The following CACNA1A variants were observed in gnomAD, a reference collection of about 807,000 sequenced individuals.
The protein encoded by CACNA1A is calcium voltage-gated channel subunit alpha1 A.
In CACNA1A, 57 loss-of-function variants were observed where a neutral mutation model predicts 262.4. The observed-to-expected ratio is 0.22, with a 90% CI of 0.18 to 0.27. The LOEUF (loss-of-function observed/expected upper bound fraction) is 0.27, where lower values mean the gene tolerates loss of function less well. Among genes scored for constraint, CACNA1A ranks in the 10% least tolerant of loss-of-function variants. CACNA1A has a pLI of 1.00. For missense variants in CACNA1A, 2,526 were observed against 3,562.8 expected, an observed-to-expected ratio of 0.71 and a Z score of 7.41; for synonymous variants, 1,431 against 1,419.3, an observed-to-expected ratio of 1.01 and a Z score of -0.18.
At chr19:13,341,413 G>A (rs2058673578) in intron 6 of CACNA1A, among the ~76,000 whole-genome samples, 2 of 152,220 alleles carry the variant, frequency 1.3e-5, no homozygotes, top group African/African-American at 2.4e-5. Flanking sequence ...TACTCTATTT[G>A]TGGTTCTTTG....
At chr19:13,425,378 G>A (rs1160804310) in intron 3 of CACNA1A, among the ~76,000 whole-genome samples, 1 of 152,086 alleles carries the variant, frequency 6.6e-6, no homozygotes, top group East Asian at 1.9e-4. Flanking sequence ...TAGGGAGCAG[G>A]GGTGGGGCAA....
chr19:13,423,608 G>T (rs2060352555), intron 3 of CACNA1A, among the ~76,000 whole-genome samples: 1 of 151,964 alleles, frequency 6.6e-6, no homozygotes, highest in Non-Finnish European at 1.5e-5. Context: ...ACCTCCCCAG[G>T]CTCAAGCAAT....
intron 20 of CACNA1A, among the ~76,000 whole-genome samples, chr19:13,285,952 ATT>A (rs74181819): frequency 0.11 from 10,818 of 95,128 alleles, 288 homozygotes; most frequent in East Asian, 0.22. Flanking sequence ...GCAGTTCACC[ATT>A]TTTTTTTTTT....
chr19:13,318,906 T>TTTTTTTTTTTTTTTTTTTTTTA (rs2058188178), intron 10 of CACNA1A, among the ~76,000 whole-genome samples: 1 of 149,494 alleles, frequency 6.7e-6, no homozygotes, highest in Non-Finnish European at 1.5e-5. Context: ...TTTTTTTTTT[T>TTTTTTTTTTTTTTTTTTTTTTA]GAGACAGGAT....
intron 3 of CACNA1A, among the ~76,000 whole-genome samples, chr19:13,447,317 G>A (rs999664617): frequency 6.6e-6 from 1 of 152,150 alleles, no homozygotes; most frequent in Non-Finnish European, 1.5e-5. Flanking sequence ...CTCCTCTAGA[G>A]GAATGAGTCT....
intron 24 of CACNA1A, chr19:13,271,733 G>A (rs923122728): frequency 1.3e-5 from 2 of 151,354 alleles, no homozygotes; most frequent in African/African-American, 2.4e-5. Flanking sequence ...TGGTCAACTC[G>A]GAGGATGGAG....
chr19:13,268,559 G>T (rs765015342), intron 24 of CACNA1A, among the ~76,000 whole-genome samples: 2 of 150,946 alleles, frequency 1.3e-5, no homozygotes, highest in African/African-American at 4.9e-5. Flanking sequence ...TCAGCCTCCC[G>T]AGTGCTGGGA....
intron 30 of CACNA1A, chr19:13,245,775 G>A (rs112842415): frequency 0.031 from 4,707 of 152,288 alleles, 237 homozygotes; most frequent in African/African-American, 0.11. Context: ...GGGTTCAAGC[G>A]ATTCTCCTGC....
At chr19:13,462,419 C>G (rs2061140939) in intron 1 of CACNA1A, among the ~76,000 whole-genome samples, 1 of 152,140 alleles carries the variant, frequency 6.6e-6, no homozygotes. Context: ...GTACCAGAAC[C>G]CTAGATATAT....
intron 38 of CACNA1A, among the ~76,000 whole-genome samples, chr19:13,215,671 C>CA (rs1380589683): frequency 6.7e-6 from 1 of 149,086 alleles, no homozygotes; most frequent in Non-Finnish European, 1.5e-5. Context: ...GGCTGAAGTG[C>CA]AGTCATGTGA....
At chr19:13,235,060 CA>C in intron 33 of CACNA1A, 24 bp from the exon 34 acceptor site, 1 of 1,578,244 alleles carries the variant, frequency 6.3e-7, no homozygotes, top group Non-Finnish European at 8.7e-7. Context: ...GGGTGACGAC[CA>C]GGGGCTGCCA....
At chr19:13,295,331 G>T (rs984829793) in intron 19 of CACNA1A, among the ~76,000 whole-genome samples, 1 of 152,162 alleles carries the variant, frequency 6.6e-6, no homozygotes, top group African/African-American at 2.4e-5. Flanking sequence ...ATGGTAGGCA[G>T]TTATACTAAA....
Position 13,253,020 on chromosome 19 carries a change from C to A in CACNA1A, c.4837G>T (p.Val1613Leu). ...ATCCCAAAAGCCATGACTTTCAGCA[C>A]ACATTCCAGAGAGAAGAGGGAGGTG... ...VFTSLFSLEC[V>L]LKVMAFGILN... The change falls in exon 30 of 47, where the codon GTG becomes TTG. Residue 1613 changes from valine to leucine, a missense_variant. Around this residue, in one of 17 missense-constraint regions of CACNA1A, gnomAD observed 66 missense variants for 195.8 expected, o/e 0.34. Coordinates refer to ENST00000360228, the MANE Select transcript of CACNA1A (RefSeq NM_001127222.2). The A allele has an allele frequency of 6.2e-7, 1 of 1,613,500 alleles. No homozygotes were observed. Among genetic ancestry groups the A allele is most frequent in the Middle Eastern group, 1.6e-4 (1 of 6,062 alleles).
chr19:13,277,462 G>C (rs1208320549), intron 22 of CACNA1A: 1 of 198,090 alleles, frequency 5.0e-6, no homozygotes, highest in African/African-American at 2.3e-5. Flanking sequence ...CCCCAGAGAA[G>C]TTCAGGGCTG....
intron 6 of CACNA1A, among the ~76,000 whole-genome samples, chr19:13,339,453 G>A (rs1270291357): frequency 6.6e-6 from 1 of 152,126 alleles, no homozygotes; most frequent in Admixed American, 6.6e-5. Context: ...GGATGGTGGT[G>A]ACAGTTGCAC....
At chr19:13,252,209 C>T (rs117279785) in intron 30 of CACNA1A, among the ~76,000 whole-genome samples, 8,676 of 151,430 alleles carry the variant, frequency 0.057, 241 homozygotes, top group East Asian at 0.07. Flanking sequence ...ACTACAGGCA[C>T]GAGTTACCAT....
chr19:13,465,341 T>C (rs115055943), intron 1 of CACNA1A, among the ~76,000 whole-genome samples: 1 of 152,322 alleles, frequency 6.6e-6, no homozygotes, highest in African/African-American at 2.4e-5. Flanking sequence ...AGTGCATGCA[T>C]ATGTGTGGTC....
intron 1 of CACNA1A, among the ~76,000 whole-genome samples, chr19:13,505,454 G>A (rs2145189905): frequency 6.6e-6 from 1 of 152,232 alleles, no homozygotes; most frequent in African/African-American, 2.4e-5. Flanking sequence ...AAGCAGTAGT[G>A]GAGAGGCTGT....
intron 3 of CACNA1A, among the ~76,000 whole-genome samples, chr19:13,413,707 C>T (rs1477068679): frequency 6.9e-5 from 10 of 144,458 alleles, no homozygotes; most frequent in South Asian, 4.4e-4. Context: ...AGCGAAACCC[C>T]GTCTCTACTA....
Sources: allele counts gnomAD v4.1 joint callset (sites outside exome capture counted in the v4.1 genomes callset), GRCh38; gene constraint gnomAD v4.1.1; regional missense constraint gnomAD v4.1.1; transcripts MANE v1.5; gene names NCBI Gene and HGNC (gene_info 2026-07-23, HGNC 2026-07-21).